CLIC2: variants seen among roughly 807,000 people sequenced by gnomAD.
The protein encoded by CLIC2 is chloride intracellular channel protein 2.
A neutral mutation model predicts 14.8 loss-of-function variants in CLIC2; 9 were observed. That is an observed-to-expected ratio of 0.61 (90% confidence interval 0.37 to 1.06). The LOEUF is 1.06. Among genes scored for constraint, CLIC2 ranks in the 50% least tolerant of loss-of-function variants. The pLI, the probability that CLIC2 is intolerant of heterozygous loss-of-function variation, is 0.01. For missense variants in CLIC2, 148 were observed against 181.4 expected, an observed-to-expected ratio of 0.82 and a Z score of 1.06; for synonymous variants, 61 against 66.3, an observed-to-expected ratio of 0.92 and a Z score of 0.39.
At chrX:155,299,372 G>T (rs982700386) in intron 1 of CLIC2, among the ~76,000 whole-genome samples, 6 of 110,239 alleles carry the variant, frequency 5.4e-5, no homozygotes, top group Non-Finnish European at 1.1e-4. Flanking sequence ...TATATTATCA[G>T]AATTTATATA....
intron 1 of CLIC2, among the ~76,000 whole-genome samples, chrX:155,333,255 C>T (rs2075163048): frequency 9.0e-6 from 1 of 111,321 alleles, no homozygotes; most frequent in East Asian, 2.8e-4. Flanking sequence ...CATCAGGGAG[C>T]TGTATAGTTT....
intron 1 of CLIC2, among the ~76,000 whole-genome samples, chrX:155,331,809 T>A (rs2075157779): frequency 9.0e-6 from 1 of 111,388 alleles, no homozygotes; most frequent in African/African-American, 3.3e-5. Context: ...TGTTGAATTT[T>A]TATATTAATC....
intron 1 of CLIC2, among the ~76,000 whole-genome samples, chrX:155,312,874 AGAAAAAGCCTATGAAAAAGTGG>A (rs2075079288): frequency 9.0e-6 from 1 of 111,728 alleles, no homozygotes; most frequent in South Asian, 3.7e-4. Context: ...CAAATTTACA[AGAAAAAGCCTATGAAAAAGTGG>A]GCAAATAACA....
intron 1 of CLIC2, among the ~76,000 whole-genome samples, chrX:155,322,204 G>A (rs2075117931): frequency 9.0e-6 from 1 of 111,239 alleles, no homozygotes; most frequent in African/African-American, 3.3e-5. Flanking sequence ...GGACCAAGCA[G>A]ACCGAATAGA....
At chrX:155,332,143 C>G (rs1211768380) in intron 1 of CLIC2, among the ~76,000 whole-genome samples, 1 of 111,578 alleles carries the variant, frequency 9.0e-6, no homozygotes, top group African/African-American at 3.2e-5. Context: ...GGATAGAAAC[C>G]TTGCTCAAAT....
In CLIC2 at chrX:155,334,446, T is replaced by C. The variant is rs782177954; in HGVS notation, c.-19A>G. The stretch of plus-strand genomic sequence containing the variant: ...CTGACATCTTTGTCTTTACTGCCAG[T>C]TGTCAGCCTCCTGCCTCCTGTAGAG... On this transcript the variant is annotated 5_prime_UTR_variant, in exon 1 of 6. Coordinates refer to ENST00000369449, the MANE Select transcript of CLIC2 (RefSeq NM_001289.6). 1 of 1,188,353 alleles carries C rather than the reference T, an allele frequency of 8.4e-7. No homozygotes were observed. The highest frequency in any genetic ancestry group is 2.2e-5 in the Admixed American group (1 of 45,933).
Position 155,321,712 on chromosome X carries a change from A to G in CLIC2, c.57+12659T>C, listed in dbSNP as rs1313055782. On this transcript the variant is annotated intron_variant, in intron 1 of 5. Transcript: ENST00000369449. ...CAGGATCAAATTCACACATAACAAT[A>G]TTAACCTTGAATATAAATGGGCTAA... is the stretch of plus-strand genomic sequence containing the variant. Among the ~76,000 whole-genome samples the G allele has an allele frequency of 3.6e-5, 4 of 109,705 alleles. No individual in the cohort carries two copies. The East Asian group carries it at 1.1e-3, about 31-fold the overall frequency.
intron 3 of CLIC2, chrX:155,290,309 G>T (rs2074959541): frequency 1.4e-5 from 4 of 288,261 alleles, no homozygotes; most frequent in Non-Finnish European, 1.9e-5. Context: ...TGTATTGAAA[G>T]CTGGACTTTT....
At chrX:155,292,906 T>C (rs1188764162) in intron 3 of CLIC2, 2 of 1,018,114 alleles carry the variant, frequency 2.0e-6, no homozygotes. Context: ...TCAAGGGAAG[T>C]AGGAAGTTTT....
intron 3 of CLIC2, among the ~76,000 whole-genome samples, chrX:155,284,882 G>A (rs1323907331): frequency 8.9e-6 from 1 of 112,005 alleles, no homozygotes; most frequent in East Asian, 2.8e-4. Context: ...TTGGAGGATG[G>A]TCTCAAGGTA....
chrX:155,328,662 T>C (rs1454683874), intron 1 of CLIC2, among the ~76,000 whole-genome samples: 1 of 111,216 alleles, frequency 9.0e-6, no homozygotes, highest in African/African-American at 3.3e-5. Context: ...AATATTTATA[T>C]GGAACCAGGA....
intron 1 of CLIC2, among the ~76,000 whole-genome samples, chrX:155,317,436 A>G (rs868916566): frequency 8.9e-6 from 1 of 111,946 alleles, no homozygotes; most frequent in Middle Eastern, 4.2e-3. Flanking sequence ...ACATCTTTAC[A>G]TGCATAAACT....
chrX:155,298,748 T>C (rs782349599), intron 3 of CLIC2, 37 bp downstream of exon 3: 10 of 1,199,787 alleles, frequency 8.3e-6, no homozygotes, highest in Non-Finnish European at 1.0e-5. Context: ...GTAAAATAGA[T>C]TATCTTCAGC....
At chrX:155,279,849 G>A (rs2074912264) in intron 4 of CLIC2, 113 bp downstream of exon 4, 1 of 517,072 alleles carries the variant, frequency 1.9e-6, no homozygotes, top group Non-Finnish European at 3.4e-6. Flanking sequence ...GAGAATGAGG[G>A]GAAGACTAGG....
chrX:155,317,653 A>G, intron 1 of CLIC2, among the ~76,000 whole-genome samples: 2 of 112,019 alleles, frequency 1.8e-5, no homozygotes, highest in Admixed American at 1.9e-4. Flanking sequence ...ATTGGTACCA[A>G]TCCTATTGAC....
At chrX:155,278,709 C>T (rs934471181) in intron 5 of CLIC2, 31 of 119,205 alleles carry the variant, frequency 2.6e-4, no homozygotes, top group African/African-American at 6.8e-4. Flanking sequence ...CCAAGGCAGG[C>T]GGATCACTTG....
At chrX:155,286,626 A>T (rs782338881) in intron 3 of CLIC2, among the ~76,000 whole-genome samples, 7 of 112,168 alleles carry the variant, frequency 6.2e-5, no homozygotes, top group Non-Finnish European at 1.1e-4. Flanking sequence ...TTTTCTCCAC[A>T]ACCTTGCCAG....
intron 1 of CLIC2, among the ~76,000 whole-genome samples, chrX:155,326,557 C>T (rs1157389949): frequency 1.8e-5 from 2 of 111,772 alleles, no homozygotes; most frequent in African/African-American, 3.3e-5. Context: ...AGCTGCTACG[C>T]GACCAAACAA....
intron 1 of CLIC2, among the ~76,000 whole-genome samples, chrX:155,305,552 G>A (rs1468582578): frequency 8.9e-6 from 1 of 112,319 alleles, no homozygotes; most frequent in Non-Finnish European, 1.9e-5. Flanking sequence ...GCTCATCCTG[G>A]GAGCTGTAGA....
Sources: gnomAD v4.1 joint callset for allele counts (sites outside exome capture counted in the v4.1 genomes callset) on GRCh38, gnomAD v4.1.1 for gene constraint, MANE v1.5 for transcripts, NCBI Gene and HGNC (gene_info 2026-07-23, HGNC 2026-07-21) for gene names.